DDAH1: variants seen among roughly 807,000 people sequenced by gnomAD.
DDAH1 encodes the protein N(G),N(G)-dimethylarginine dimethylaminohydrolase 1.
A neutral mutation model predicts 28.8 loss-of-function variants in DDAH1; 19 were observed. The ratio of observed to expected loss-of-function variants is 0.66; its 90% CI spans 0.46 to 0.97. DDAH1 has a LOEUF of 0.97. DDAH1 is among the 50% of genes least tolerant of loss of function. The pLI, the probability that DDAH1 is intolerant of heterozygous loss-of-function variation, is 0.00. For synonymous variants in DDAH1, 153 were observed against 154.4 expected (o/e 0.99, Z 0.07); for missense variants, 326 against 375.9 (o/e 0.87, Z 1.10).
intron 1 of DDAH1, among the ~76,000 whole-genome samples, chr1:85,453,521 T>C (rs1654756976): frequency 6.6e-6 from 1 of 152,188 alleles, no homozygotes; most frequent in African/African-American, 2.4e-5. Flanking sequence ...GAAGAGCATA[T>C]ATAAGGGAAT....
intron 1 of DDAH1, among the ~76,000 whole-genome samples, chr1:85,573,454 T>C (rs186371848): frequency 6.6e-4 from 101 of 152,344 alleles, no homozygotes; most frequent in African/African-American, 2.4e-3. Flanking sequence ...CTCTAGAAGA[T>C]GGATTGCAGG....
At chr1:85,562,430 G>A (rs752539404) in intron 1 of DDAH1, among the ~76,000 whole-genome samples, 1 of 152,172 alleles carries the variant, frequency 6.6e-6, no homozygotes, top group Non-Finnish European at 1.5e-5. Context: ...GTTGAGTTGT[G>A]TCCCCCAAAA....
chr1:85,551,803 G>A (rs1658800441), intron 1 of DDAH1, among the ~76,000 whole-genome samples: 1 of 152,222 alleles, frequency 6.6e-6, no homozygotes, highest in Non-Finnish European at 1.5e-5. Context: ...TGATGGCTAA[G>A]AAGGTAGAGA....
intron 1 of DDAH1, among the ~76,000 whole-genome samples, chr1:85,525,677 A>G (rs1437503691): frequency 1.3e-5 from 2 of 152,076 alleles, no homozygotes; most frequent in Non-Finnish European, 2.9e-5. Flanking sequence ...CAGGACACAT[A>G]GCTTCTGAGT....
At chr1:85,556,801 T>C (rs1018106364) in intron 1 of DDAH1, among the ~76,000 whole-genome samples, 3 of 152,222 alleles carry the variant, frequency 2.0e-5, no homozygotes, top group Admixed American at 1.3e-4. Flanking sequence ...AGAAAAGTAT[T>C]TCTATACAGA....
At chr1:85,426,741 T>C (rs1304702211) in intron 1 of DDAH1, among the ~76,000 whole-genome samples, 4 of 151,510 alleles carry the variant, frequency 2.6e-5, no homozygotes, top group African/African-American at 9.7e-5. Flanking sequence ...GACCCCCATC[T>C]CTACAGAAAG....
intron 1 of DDAH1, among the ~76,000 whole-genome samples, chr1:85,442,249 A>G (rs1330236722): frequency 6.6e-6 from 1 of 152,066 alleles, no homozygotes; most frequent in East Asian, 1.9e-4. Context: ...TCACTGTTCA[A>G]TTCCCACCTA....
At chr1:85,468,340 CAGTT>C (rs1397081477), upstream of DDAH1, among the ~76,000 whole-genome samples, 3 of 152,142 alleles carry the variant, frequency 2.0e-5, no homozygotes, top group African/African-American at 7.2e-5. Context: ...CTGTATTAGT[CAGTT>C]CTCATGCTGT....
chr1:85,382,870 G>A (rs185968872), intron 1 of DDAH1, among the ~76,000 whole-genome samples: 2 of 152,288 alleles, frequency 1.3e-5, no homozygotes, highest in Admixed American at 1.3e-4. Context: ...TCTGTTTACA[G>A]CATGGTTTGC....
intron 1 of DDAH1, among the ~76,000 whole-genome samples, chr1:85,450,783 AT>A (rs1404060839): frequency 6.6e-6 from 1 of 152,230 alleles, no homozygotes; most frequent in Non-Finnish European, 1.5e-5. Context: ...TGTAAGAGGA[AT>A]TTTTTAAGTA....
chr1:85,502,955 C>A (rs568053219), intron 1 of DDAH1, among the ~76,000 whole-genome samples: 1 of 152,126 alleles, frequency 6.6e-6, no homozygotes, highest in Non-Finnish European at 1.5e-5. Context: ...TTCTCACTAT[C>A]CATAGCTACC....
chr1:85,341,031 C>T (rs528850837), intron 4 of DDAH1, among the ~76,000 whole-genome samples: 9 of 152,314 alleles, frequency 5.9e-5, no homozygotes, highest in African/African-American at 1.7e-4. Flanking sequence ...TCTGGTTGAT[C>T]AATCCCTCTC....
chr1:85,536,448 A>G (rs4291546), intron 1 of DDAH1, among the ~76,000 whole-genome samples: 11,488 of 151,802 alleles, frequency 0.076, 731 homozygotes, highest in African/African-American at 0.18. Context: ...AGCTACTTGG[A>G]AGGCTGAGGC....
intron 1 of DDAH1, among the ~76,000 whole-genome samples, chr1:85,379,071 A>G (rs1255819524): frequency 6.6e-6 from 1 of 152,234 alleles, no homozygotes; most frequent in African/African-American, 2.4e-5. Flanking sequence ...ACAAGTGAAT[A>G]CATTATTTCC....
intron 1 of DDAH1, chr1:85,496,411 AGTTT>A (rs1656596581): frequency 6.4e-6 from 1 of 157,390 alleles, no homozygotes; most frequent in Non-Finnish European, 1.4e-5. Context: ...AAGAGCTGCA[AGTTT>A]GTTATTGTTA....
intron 5 of DDAH1, among the ~76,000 whole-genome samples, chr1:85,322,491 TCTC>T (rs1333181397): frequency 6.6e-6 from 1 of 152,140 alleles, no homozygotes; most frequent in African/African-American, 2.4e-5. Context: ...CTAATAACAA[TCTC>T]CTGTGCTTCT....
rs12082045 is a variant in DDAH1, at chr1:85,508,206, G to T, written c.-122-11925C>A. ...TAATCTTTTACTATTAAAGATCCTTGCCTGAATCGATTATTTCATTGGGAG... is the reference window on the plus strand; with the variant it reads ...TAATCTTTTACTATTAAAGATCCTTTCCTGAATCGATTATTTCATTGGGAG... On this transcript the variant is annotated intron_variant, in intron 1 of 6. Transcript: ENST00000426972. Among the ~76,000 whole-genome samples, 375 of 152,274 alleles carry T rather than the reference G, an allele frequency of 2.5e-3. 2 individuals carry two copies. The highest frequency in any genetic ancestry group is 8.4e-3 in the African/African-American group (349 of 41,536).
At chr1:85,533,870 CTG>C in intron 1 of DDAH1, among the ~76,000 whole-genome samples, 1 of 152,144 alleles carries the variant, frequency 6.6e-6, no homozygotes, top group Non-Finnish European at 1.5e-5. Flanking sequence ...TGTTCAATAA[CTG>C]TTAGCTATTA....
At chr1:85,357,823 C>G (rs374760753) in intron 2 of DDAH1, among the ~76,000 whole-genome samples, 4 of 152,212 alleles carry the variant, frequency 2.6e-5, no homozygotes, top group Admixed American at 2.0e-4. Flanking sequence ...TTTTATACAA[C>G]ACTAATTATA....
Sources: allele counts gnomAD v4.1 joint callset (sites outside exome capture counted in the v4.1 genomes callset), GRCh38; gene constraint gnomAD v4.1.1; transcripts MANE v1.5; gene names NCBI Gene and HGNC (gene_info 2026-07-23, HGNC 2026-07-21).